SMC1A: variants seen among roughly 807,000 people sequenced by gnomAD.
SMC1A encodes the protein structural maintenance of chromosomes 1A.
A neutral mutation model predicts 94.5 loss-of-function variants in SMC1A; 4 were observed. That is an observed-to-expected ratio of 0.04 (90% confidence interval 0.02 to 0.10). SMC1A has a LOEUF of 0.10. Among genes scored for constraint, SMC1A ranks in the 10% least tolerant of loss-of-function variants. SMC1A has a pLI of 1.00. For synonymous variants in SMC1A, 345 were observed against 347.7 expected (o/e 0.99, Z 0.09); for missense variants, 304 against 989.0 (o/e 0.31, Z 9.29).
chrX:53,380,894 G>A, intron 23 of SMC1A, 124 bp downstream of exon 23: 3 of 687,405 alleles, frequency 4.4e-6, no homozygotes, highest in African/African-American at 2.1e-5. Context: ...ATGACTCTGG[G>A]CCCAGCCTCC....
intron 19 of SMC1A, among the ~76,000 whole-genome samples, chrX:53,390,424 G>A (rs1291767186): frequency 9.4e-6 from 1 of 106,560 alleles, no homozygotes; most frequent in African/African-American, 3.4e-5. Flanking sequence ...GGAGGCAGAG[G>A]TTGCAGTGAG....
chrX:53,385,277 G>GTT (rs1344138541), intron 19 of SMC1A, among the ~76,000 whole-genome samples: 8 of 85,933 alleles, frequency 9.3e-5, no homozygotes, highest in Non-Finnish European at 1.2e-4. Context: ...TTTTTTTTAA[G>GTT]TTTTTTTTTT....
chrX:53,412,709 A>G lies in SMC1A; in HGVS notation c.854+191T>C, dbSNP rs181257341. Among the ~76,000 whole-genome samples the G allele has an allele frequency of 3.6e-5, 4 of 112,202 alleles. No homozygotes were observed. The East Asian group carries it at 1.1e-3, about 31-fold the overall frequency. ...CCCTCATCTGAGCACCTGTCTACCC[A>G]GGGCCTGAGTGCTTAAATATTCTAT... On this transcript the variant is annotated intron_variant, in intron 5 of 24. Coordinates refer to ENST00000322213, the MANE Select transcript of SMC1A (RefSeq NM_006306.4).
chrX:53,408,000 TATATA>T (rs1358512526), intron 9 of SMC1A, among the ~76,000 whole-genome samples: 1 of 110,934 alleles, frequency 9.0e-6, no homozygotes, highest in Non-Finnish European at 1.9e-5. Flanking sequence ...CCAAGTATCT[TATATA>T]TATTATTTCA....
rs2075559093 is a variant in SMC1A, at chrX:53,376,191, TC to T, written c.*3911del. On this transcript the variant is annotated 3_prime_UTR_variant, in exon 25 of 25. Coordinates refer to ENST00000322213, the MANE Select transcript of SMC1A (RefSeq NM_006306.4). ...GGCACGGGCACATACAGCATGAACA[TC>T]TAACCTAATCTGTTTTCCATGCTGG... 1 of 111,986 alleles carries T rather than the reference TC, an allele frequency of 8.9e-6. No individual in the cohort carries two copies. Among genetic ancestry groups the T allele is most frequent in the Admixed American group, 9.4e-5 (1 of 10,593 alleles). 9.2% of individuals were successfully genotyped at this position (111,986 alleles called of 1,213,427 possible).
Position 53,411,912 on chromosome X carries a change from G to A in SMC1A, c.1114-11C>T. Reference sequence around the variant, plus strand: ...GTGGTATTTCTTCACCTGTGTTAGGGACAGGGAAGGAGAACAGGGATGACC... The same window carrying A: ...GTGGTATTTCTTCACCTGTGTTAGGAACAGGGAAGGAGAACAGGGATGACC... On this transcript the variant is annotated splice_polypyrimidine_tract_variant and intron_variant, in intron 6 of 24. Transcript: ENST00000322213. 8.3e-7 allele frequency: 1 copy of A among 1,211,243 alleles called. No individual in the cohort carries two copies. Among genetic ancestry groups the A allele is most frequent in the South Asian group, 1.8e-5 (1 of 56,976 alleles).
chrX:53,420,781 A>T (rs147353446), intron 1 of SMC1A, among the ~76,000 whole-genome samples: 1 of 111,545 alleles, frequency 9.0e-6, no homozygotes, highest in Non-Finnish European at 1.9e-5. Flanking sequence ...CTCTAATCAC[A>T]ATCAATATGG....
At chrX:53,395,037 C>T in intron 18 of SMC1A, 149 bp from the exon 19 acceptor site, 2 of 495,726 alleles carry the variant, frequency 4.0e-6, no homozygotes, top group Non-Finnish European at 7.2e-6. Flanking sequence ...GGCAGAATGA[C>T]TCAAGTTCAA....
At chrX:53,404,915 A>T in intron 13 of SMC1A, 97 bp downstream of exon 13, 2 of 993,900 alleles carry the variant, frequency 2.0e-6, no homozygotes, top group Non-Finnish European at 2.8e-6. Context: ...GGCTGGGAGG[A>T]GACGGGGAAG....
rs1396001151 is a variant in SMC1A, at chrX:53,422,574, A to G, written c.27T>C (p.Ile9=). 2 of 1,201,543 alleles carry G rather than the reference A, an allele frequency of 1.7e-6. No homozygotes were observed. The highest frequency in any genetic ancestry group is 2.3e-6 in the Non-Finnish European group (2 of 887,343). The change falls in exon 1 of 25, where the codon ATT becomes ATC. Residue 9 remains isoleucine (I), a synonymous_variant. Coordinates refer to ENST00000322213, the MANE Select transcript of SMC1A (RefSeq NM_006306.4). ...GACCCTTGTACGACTTAAAGTTCTC[A>G]ATCTCAATCAGTTTCAGGAACCCCA... is the stretch of plus-strand genomic sequence containing the variant. MGFLKLIE[I]ENFKSYKGRQ... is the part of the protein sequence containing the mutation.
intron 22 of SMC1A, 97 bp from the exon 23 acceptor site, chrX:53,381,184 C>CGAGATCTA: frequency 2.1e-5 from 11 of 530,694 alleles, no homozygotes; most frequent in Admixed American, 5.9e-5. Context: ...GGCCAGCTTC[C>CGAGATCTA]CACTCCACTT....
At position 53,382,399 on chromosome X, in the gene SMC1A, T is replaced by C. The variant is rs1251934220; in HGVS notation, c.3286-16A>G. 8.3e-7 allele frequency: 1 copy of C among 1,199,875 alleles called. No individual in the cohort carries two copies. Among genetic ancestry groups the C allele is most frequent in the Non-Finnish European group, 1.1e-6 (1 of 889,775 alleles). ...CCAGGAATGCCTAGGGGAAGGCAGATGGGTCAGGATCTGTATCTGAGACTG... is the reference window on the plus strand; with the variant it reads ...CCAGGAATGCCTAGGGGAAGGCAGACGGGTCAGGATCTGTATCTGAGACTG... On this transcript the variant is annotated splice_polypyrimidine_tract_variant and intron_variant, in intron 21 of 24. Coordinates refer to ENST00000322213, the MANE Select transcript of SMC1A (RefSeq NM_006306.4).
rs1332009025 is a variant in SMC1A at position 53,413,569 on chromosome X, CT to C, written c.412-135del. 2.7e-5 allele frequency: 16 copies of C among 583,838 alleles called. No individual in the cohort carries two copies. In the African/African-American group the frequency reaches 3.6e-4, roughly 13 times the overall value. 48.1% of individuals were successfully genotyped at this position (583,838 alleles called of 1,213,427 possible). A position where few individuals can be genotyped will look rare whatever the true frequency, so the allele number is the denominator to read the frequency against. On this transcript the variant is annotated intron_variant, in intron 3 of 24. Transcript: ENST00000322213. Reference sequence around the variant, plus strand: ...CCCTGCTGCCACATTTCACACTGGGCTTTGAGGACAAATTCCTTGCCCTCTG... The same window carrying C: ...CCCTGCTGCCACATTTCACACTGGGCTTGAGGACAAATTCCTTGCCCTCTG...
At chrX:53,388,130 A>G (rs2075612504) in intron 19 of SMC1A, among the ~76,000 whole-genome samples, 1 of 111,078 alleles carries the variant, frequency 9.0e-6, no homozygotes, top group Admixed American at 9.6e-5. Flanking sequence ...GCTGCAAACC[A>G]CACAAAAAGA....
intron 19 of SMC1A, among the ~76,000 whole-genome samples, chrX:53,387,714 G>A (rs1462601307): frequency 1.8e-5 from 2 of 111,466 alleles, no homozygotes; most frequent in African/African-American, 3.3e-5. Context: ...GAAAGCAAGG[G>A]AGATATCAAA....
chrX:53,381,361 T>C (rs1449742686), intron 22 of SMC1A, among the ~76,000 whole-genome samples: 1 of 111,869 alleles, frequency 8.9e-6, no homozygotes, highest in African/African-American at 3.3e-5. Context: ...GAGCTAAAGC[T>C]GTCCAAGGTT....
At chrX:53,390,259 G>T (rs1171651360) in intron 19 of SMC1A, among the ~76,000 whole-genome samples, 4 of 107,748 alleles carry the variant, frequency 3.7e-5, no homozygotes, top group Non-Finnish European at 5.8e-5. Flanking sequence ...AGGCCAAGGC[G>T]GGCGGATCAC....
In SMC1A at chrX:53,410,232, C is replaced by T. The variant is rs192842132; in HGVS notation, c.1255-729G>A. 1.6e-4 allele frequency among the ~76,000 whole-genome samples: 18 copies of T among 111,618 alleles called. No individual in the cohort carries two copies. The East Asian group carries it at 3.1e-3, about 19-fold the overall frequency. On this transcript the variant is annotated intron_variant, in intron 7 of 24. Coordinates refer to ENST00000322213, the MANE Select transcript of SMC1A (RefSeq NM_006306.4). ...GTGAGTGGCCGGGCACGGTGGCTCG[C>T]GCCTGTAATCCCAACACTTTGGGAG...
At position 53,422,044 on chromosome X, in the gene SMC1A, A is replaced by C. The variant is rs782078835; in HGVS notation, c.109+448T>G. On this transcript the variant is annotated intron_variant, in intron 1 of 24. Transcript: ENST00000322213. ...CGAGGCGAGAGAGGACGCTGGGCTG[A>C]AACAGAAGTGCACCGTTTGGGACCG... 3 of 1,208,957 alleles carry C rather than the reference A, an allele frequency of 2.5e-6. No homozygotes were observed. The South Asian group carries it at 5.3e-5, about 21-fold the overall frequency.
Sources: gnomAD v4.1 joint callset for allele counts (sites outside exome capture counted in the v4.1 genomes callset) on GRCh38, gnomAD v4.1.1 for gene constraint, MANE v1.5 for transcripts, NCBI Gene and HGNC (gene_info 2026-07-23, HGNC 2026-07-21) for gene names.